The following STXBP6 variants were observed in gnomAD, a reference collection of about 807,000 sequenced individuals.
STXBP6 encodes the protein syntaxin binding protein 6, also known as syntaxin-binding protein 6.
Under a neutral mutation model 26.9 loss-of-function variants are expected in STXBP6, and 21 were observed. The observed-to-expected ratio is 0.78, with a 90% confidence interval of 0.55 to 1.12. The LOEUF is 1.12. STXBP6 is among the 50% of genes most tolerant of loss of function. STXBP6 has a pLI of 0.00. For synonymous variants in STXBP6, 97 were observed against 92.6 expected (o/e 1.05, Z -0.27); for missense variants, 232 against 257.9 (o/e 0.90, Z 0.69).
At chr14:25,045,713 C>G (rs1408235043) in intron 1 of STXBP6, among the ~76,000 whole-genome samples, 1 of 150,912 alleles carries the variant, frequency 6.6e-6, no homozygotes, top group Non-Finnish European at 1.5e-5. Flanking sequence ...AAGCAATTCT[C>G]TTGCCTCAGC....
At chr14:24,980,204 G>A (rs867645105) in intron 1 of STXBP6, among the ~76,000 whole-genome samples, 2 of 152,114 alleles carry the variant, frequency 1.3e-5, no homozygotes, top group African/African-American at 4.8e-5. Flanking sequence ...AAATATACAA[G>A]CTTTTATGCA....
At chr14:24,864,308 T>C (rs2069642560) in intron 2 of STXBP6, among the ~76,000 whole-genome samples, 1 of 152,180 alleles carries the variant, frequency 6.6e-6, no homozygotes, top group South Asian at 2.1e-4. Context: ...TTATCCATTA[T>C]ATACTGAAAA....
chr14:24,976,109 A>T (rs1327043044), intron 1 of STXBP6, among the ~76,000 whole-genome samples: 1 of 152,228 alleles, frequency 6.6e-6, no homozygotes, highest in Non-Finnish European at 1.5e-5. Flanking sequence ...TATGATAAGT[A>T]TTAGAGATAC....
At chr14:25,035,342 G>A (rs1451184455) in intron 1 of STXBP6, among the ~76,000 whole-genome samples, 1 of 152,074 alleles carries the variant, frequency 6.6e-6, no homozygotes, top group Non-Finnish European at 1.5e-5. Flanking sequence ...TAAGGATGTG[G>A]GCGGTCCTTT....
intron 1 of STXBP6, among the ~76,000 whole-genome samples, chr14:25,006,853 C>CAA (rs770086960): frequency 1.4e-5 from 2 of 138,052 alleles, no homozygotes; most frequent in African/African-American, 5.3e-5. Flanking sequence ...AATTTTTCAC[C>CAA]AAAAAAAAAA....
At chr14:25,014,030 A>C (rs1413012358) in intron 1 of STXBP6, among the ~76,000 whole-genome samples, 1 of 152,182 alleles carries the variant, frequency 6.6e-6, no homozygotes, top group Non-Finnish European at 1.5e-5. Flanking sequence ...AAATAATAGG[A>C]TGTCACGGAT....
chr14:24,853,302 A>C (rs1447064787), intron 4 of STXBP6, among the ~76,000 whole-genome samples: 1 of 152,118 alleles, frequency 6.6e-6, no homozygotes, highest in African/African-American at 2.4e-5. Flanking sequence ...TAGCTGGCAG[A>C]AAAGAAGACT....
chr14:24,875,816 G>A (rs185459117), intron 2 of STXBP6, among the ~76,000 whole-genome samples: 48 of 152,288 alleles, frequency 3.2e-4, no homozygotes, highest in Non-Finnish European at 6.0e-4. Context: ...AAGGGGTAAG[G>A]GTGGCGGGAG....
chr14:25,023,629 C>A (rs919342858), intron 1 of STXBP6, among the ~76,000 whole-genome samples: 1 of 151,808 alleles, frequency 6.6e-6, no homozygotes, highest in Non-Finnish European at 1.5e-5. Context: ...GGCAACATAG[C>A]AAGACCCCGT....
chr14:24,986,432 C>A (rs2074334293), intron 1 of STXBP6, among the ~76,000 whole-genome samples: 1 of 152,134 alleles, frequency 6.6e-6, no homozygotes, highest in East Asian at 1.9e-4. Flanking sequence ...CAGAAGAATA[C>A]ACCCTGGGAA....
chr14:25,013,285 T>A (rs1274425905), intron 1 of STXBP6, among the ~76,000 whole-genome samples: 1 of 152,158 alleles, frequency 6.6e-6, no homozygotes, highest in Non-Finnish European at 1.5e-5. Context: ...TTTTCTTGCC[T>A]TTTCTATACA....
intron 2 of STXBP6, among the ~76,000 whole-genome samples, chr14:24,863,201 C>T (rs138677971): frequency 2.7e-3 from 414 of 152,198 alleles, no homozygotes; most frequent in African/African-American, 9.6e-3. Flanking sequence ...CACTGCCCTC[C>T]CCAGACTAGG....
intron 4 of STXBP6, among the ~76,000 whole-genome samples, chr14:24,833,994 A>G (rs2068537629): frequency 2.6e-5 from 4 of 152,108 alleles, no homozygotes; most frequent in Admixed American, 2.6e-4. Flanking sequence ...TCCATAATTG[A>G]AAACTCATTT....
chr14:24,908,467 T>C (rs1191081783), intron 2 of STXBP6, among the ~76,000 whole-genome samples: 2 of 152,180 alleles, frequency 1.3e-5, no homozygotes, highest in Non-Finnish European at 2.9e-5. Flanking sequence ...CTACAATGTG[T>C]ATAGAAGCTC....
intron 1 of STXBP6, among the ~76,000 whole-genome samples, chr14:24,984,204 C>G (rs887343649): frequency 6.6e-6 from 1 of 152,012 alleles, no homozygotes; most frequent in African/African-American, 2.4e-5. Flanking sequence ...TGCACTCCAG[C>G]CTGGCAACAG....
chr14:25,006,048 T>C (rs2074889687), intron 1 of STXBP6, among the ~76,000 whole-genome samples: 1 of 152,196 alleles, frequency 6.6e-6, no homozygotes, highest in African/African-American at 2.4e-5. Context: ...AGGATTATGA[T>C]CCAAACTCAT....
At chr14:24,854,429 A>G (rs1284034606) in intron 4 of STXBP6, among the ~76,000 whole-genome samples, 4 of 152,122 alleles carry the variant, frequency 2.6e-5, no homozygotes, top group East Asian at 1.9e-4. Context: ...TTTCAAATCC[A>G]TAATGTCACA....
At chr14:24,901,753 C>G (rs1282530091) in intron 2 of STXBP6, among the ~76,000 whole-genome samples, 1 of 151,986 alleles carries the variant, frequency 6.6e-6, no homozygotes, top group African/African-American at 2.4e-5. Context: ...AAATCAAAAC[C>G]TAAAAGAGTT....
At chr14:24,964,647 C>CTGTGTGTGTG (rs34132743) in intron 2 of STXBP6, among the ~76,000 whole-genome samples, 3,537 of 140,118 alleles carry the variant, frequency 0.025, 65 homozygotes, top group African/African-American at 0.047. Flanking sequence ...AGTTCTCATT[C>CTGTGTGTGTG]TGTGTGTGTG....
Sources: allele counts gnomAD v4.1 joint callset (sites outside exome capture counted in the v4.1 genomes callset), GRCh38; gene constraint gnomAD v4.1.1; transcripts MANE v1.5; gene names NCBI Gene and HGNC (gene_info 2026-07-23, HGNC 2026-07-21).